The following SIGLEC8 variants were observed in gnomAD, a reference collection of about 807,000 sequenced individuals.
The protein encoded by SIGLEC8 is sialic acid binding Ig like lectin 8, also known as sialic acid-binding Ig-like lectin 8.
A neutral mutation model predicts 42.1 loss-of-function variants in SIGLEC8; 32 were observed. The observed-to-expected ratio is 0.76, with a 90% CI of 0.57 to 1.02. The LOEUF is 1.02. Among genes scored for constraint, SIGLEC8 ranks in the 50% least tolerant of loss-of-function variants. The pLI is 0.00. For missense variants in SIGLEC8, 611 were observed against 610.2 expected (o/e 1.00, Z -0.01); for synonymous variants, 262 against 260.3 (o/e 1.01, Z -0.06).
At position 51,454,185 on chromosome 19, in the gene SIGLEC8, G is replaced by A; in HGVS notation, c.1245+34C>T. The A allele has an allele frequency of 6.2e-7, 1 of 1,613,510 alleles. No homozygotes were observed. Among genetic ancestry groups the A allele is most frequent in the East Asian group, 2.2e-5 (1 of 44,846 alleles). ...CCATCCTGTCAGAGGTGTCCAGGCT[G>A]GATGCTCGGTGTGGAGAAGCCCACA... On this transcript the variant is annotated intron_variant, in intron 6 of 6. Transcript: ENST00000321424. This position sits in a 1 kb window ranked among gnomAD's most constrained non-coding sequence, Gnocchi z 4.7.
At position 51,454,296 on chromosome 19, in the gene SIGLEC8, T is replaced by C; in HGVS notation, c.1168A>G (p.Lys390Glu). 1 of 1,613,772 alleles carries C rather than the reference T, an allele frequency of 6.2e-7. No individual in the cohort carries two copies. Among genetic ancestry groups the C allele is most frequent in the South Asian group, 1.1e-5 (1 of 91,078 alleles). The change falls in exon 6 of 7, where the codon AAA (lysine) becomes GAA (glutamate). Residue 390 changes from lysine (K) to glutamate (E), a missense_variant. Coordinates refer to ENST00000321424, the MANE Select transcript of SIGLEC8 (RefSeq NM_014442.3). This position sits in a 1 kb window ranked among gnomAD's most constrained non-coding sequence, Gnocchi z 4.7. ...IFIIVRSCRK[K>E]SARPAAGVGD... ...ACGCCCGCTGCTGGCCTTGCCGATT[T>C]CTTCCTGCAGGACCTCACTCTGAGT...
Position 51,455,643 on chromosome 19 carries a change from C to T in SIGLEC8, c.826G>A (p.Gly276Ser), listed in dbSNP as rs201924488. The change falls in exon 4 of 7, where the codon GGC becomes AGC. Residue 276 changes from glycine to serine, a missense_variant. Coordinates refer to ENST00000321424, the MANE Select transcript of SIGLEC8 (RefSeq NM_014442.3). ...GCACAGACCAGGCGCAGAGACTGGC[C>T]CTCAAGGACTGAAAGAGATGAGCCA... ...GNGSSLSVLE[G>S]QSLRLVCAVN... 3 of 1,613,760 alleles carry T rather than the reference C, an allele frequency of 1.9e-6. No homozygotes were observed. Among genetic ancestry groups the T allele is most frequent in the African/African-American group, 1.3e-5 (1 of 75,020 alleles).
rs767423519 is a variant in SIGLEC8 at position 51,454,735 on chromosome 19, C to T, written c.1097G>A (p.Gly366Glu). The change falls in exon 5 of 7, where the codon GGA becomes GAA. Residue 366 changes from glycine to glutamate, a missense_variant. Coordinates refer to ENST00000321424, the MANE Select transcript of SIGLEC8 (RefSeq NM_014442.3). The surrounding 1 kb of genome is among the most constrained non-coding windows in gnomAD (Gnocchi z 4.7). ...GAAGGCCAGGGCTGTGGCTCCAGCT[C>T]CCCCGACTGCTGCCAGTGTCACTTG... ...VSQVTLAAVG[G>E]AGATALAFLS... 2 of 1,613,552 alleles carry T rather than the reference C, an allele frequency of 1.2e-6. No homozygotes were observed. Among genetic ancestry groups the T allele is most frequent in the African/African-American group, 1.3e-5 (1 of 74,902 alleles).
chr19:51,457,161 C>T, intron 3 of SIGLEC8, 23 bp downstream of exon 3: 1 of 1,609,694 alleles, frequency 6.2e-7, no homozygotes, highest in Non-Finnish European at 8.5e-7. Flanking sequence ...TCCCCCAACC[C>T]CAGGGAGGGG....
rs1260599726 is a variant in SIGLEC8, at chr19:51,455,485, G to A, written c.984C>T (p.Cys328=). ...GGGAGCCCTGAGCGTTCTGAGCTCGGCAGGTGAATTCCCCTTCATCCCTCA... is the reference window on the plus strand; with the variant it reads ...GGGAGCCCTGAGCGTTCTGAGCTCGACAGGTGAATTCCCCTTCATCCCTCA... ...VHVRDEGEFT[C]RAQNAQGSQH... The change falls in exon 4 of 7, where the codon TGC becomes TGT. Residue 328 remains cysteine, a synonymous_variant. Coordinates refer to ENST00000321424, the MANE Select transcript of SIGLEC8 (RefSeq NM_014442.3). 1 of 1,614,168 alleles carries A rather than the reference G, an allele frequency of 6.2e-7. No homozygotes were observed. The highest frequency in any genetic ancestry group is 2.2e-5 in the East Asian group (1 of 44,882).
chr19:51,453,360 C>T (rs995948921), intron 6 of SIGLEC8: 2 of 984,550 alleles, frequency 2.0e-6, no homozygotes, highest in African/African-American at 3.5e-5. Context: ...AAAGTGGCAG[C>T]TCAGTCTTTA....
At chr19:51,452,728 A>G (rs1340094003) in intron 6 of SIGLEC8, 95 bp from the exon 7 acceptor site, 2 of 1,178,386 alleles carry the variant, frequency 1.7e-6, no homozygotes, top group African/African-American at 1.5e-5. Flanking sequence ...TCCGTCCTCC[A>G]TTCATCCCAC....
intron 6 of SIGLEC8, among the ~76,000 whole-genome samples, chr19:51,452,843 A>C (rs1288268454): frequency 6.6e-6 from 1 of 152,222 alleles, no homozygotes; most frequent in Admixed American, 6.5e-5. Context: ...CAACAACTCC[A>C]TAGTGAGATA....
At position 51,455,823 on chromosome 19, in the gene SIGLEC8, C is replaced by A. The variant is rs529469089; in HGVS notation, c.782-136G>T. 64 of 757,162 alleles carry A rather than the reference C, an allele frequency of 8.5e-5. 1 individual carries two copies. The Middle Eastern group carries it at 1.0e-3, about 12-fold the overall frequency. The allele number at this position is 757,162 out of a possible 1,614,324, so 46.9% of individuals were successfully genotyped here. A position where few individuals can be genotyped will look rare whatever the true frequency, so the allele number is the denominator to read the frequency against. ...CACAATAGCAAAGACTTGGAACCAG[C>A]CCAAATGTCCAACAATGATAGACTG... is the stretch of plus-strand genomic sequence containing the variant. On this transcript the variant is annotated intron_variant, in intron 3 of 6. Transcript: ENST00000321424.
intron 3 of SIGLEC8, among the ~76,000 whole-genome samples, chr19:51,456,975 G>T (rs1009269864): frequency 6.6e-6 from 1 of 152,196 alleles, no homozygotes; most frequent in Non-Finnish European, 1.5e-5. Flanking sequence ...CAAGGAAGGG[G>T]TGTGTGGAGG....
chr19:51,454,816 T>C lies in SIGLEC8; in HGVS notation c.1052-36A>G. On this transcript the variant is annotated intron_variant, in intron 4 of 6. Coordinates refer to ENST00000321424, the MANE Select transcript of SIGLEC8 (RefSeq NM_014442.3). This position sits in a 1 kb window ranked among gnomAD's most constrained non-coding sequence, Gnocchi z 4.7. ...ATTGGAGTTGCTTTGGGGATTTATA[T>C]CACGGAGAAGTGGGTCTCTTCCCCT... The C allele has an allele frequency of 6.6e-7, 1 of 1,524,350 alleles. No individual in the cohort carries two copies. 94.4% of individuals were successfully genotyped at this position (1,524,350 alleles called of 1,614,324 possible). A position where few individuals can be genotyped will look rare whatever the true frequency, so the allele number is the denominator to read the frequency against.
rs1387202960 is a variant in SIGLEC8 at position 51,457,606 on chromosome 19, C to T, written c.588G>A (p.Val196=). ...PPMISWIGAS[V]SSPGPTTARS... ...GGGCAGTAGTGGGGCCCGGGGAGGA[C>T]ACGGAGGCCCCAATCCAGGAGATCA... Residue 196 remains valine, a synonymous_variant, in exon 2 of 7, where the codon GTG becomes GTA. Coordinates refer to ENST00000321424, the MANE Select transcript of SIGLEC8 (RefSeq NM_014442.3). 2 of 1,612,640 alleles carry T rather than the reference C, an allele frequency of 1.2e-6. No individual in the cohort carries two copies. Among genetic ancestry groups the T allele is most frequent in the African/African-American group, 2.7e-5 (2 of 74,884 alleles).
At position 51,454,594 on chromosome 19, in the gene SIGLEC8, T is replaced by A; in HGVS notation, c.1148+90A>T. ...ATTCTTGCCCCAAGCCCTGGACCCATCCAGGTCCTTCCAGCTCTGGCTTCA... is the reference window on the plus strand; with the variant it reads ...ATTCTTGCCCCAAGCCCTGGACCCAACCAGGTCCTTCCAGCTCTGGCTTCA... On this transcript the variant is annotated intron_variant, in intron 5 of 6. Transcript: ENST00000321424. This position sits in a 1 kb window ranked among gnomAD's most constrained non-coding sequence, Gnocchi z 4.7. 3 of 1,207,072 alleles carry A rather than the reference T, an allele frequency of 2.5e-6. No homozygotes were observed. The highest frequency in any genetic ancestry group is 3.7e-6 in the Non-Finnish European group (3 of 816,436). The allele number at this position is 1,207,072 out of a possible 1,614,324, so 74.8% of individuals were successfully genotyped here.
At position 51,455,623 on chromosome 19, in the gene SIGLEC8, G is replaced by A. The variant is rs2122146773; in HGVS notation, c.846C>T (p.Val282=). The A allele has an allele frequency of 1.2e-6, 2 of 1,614,132 alleles. No homozygotes were observed. ...SVLEGQSLRL[V]CAVNSNPPAR... is the part of the protein sequence containing the mutation. ...CAGGGGGATTGCTGTTGACAGCACAGACCAGGCGCAGAGACTGGCCCTCAA... is the reference window on the plus strand; with the variant it reads ...CAGGGGGATTGCTGTTGACAGCACAAACCAGGCGCAGAGACTGGCCCTCAA... The change falls in exon 4 of 7, where the codon GTC becomes GTT. Residue 282 remains valine (V), a synonymous_variant. Coordinates refer to ENST00000321424, the MANE Select transcript of SIGLEC8 (RefSeq NM_014442.3).
rs1428087352 is a variant in SIGLEC8 at position 51,452,119 on chromosome 19, G to C, written c.*260C>G. 1 of 356,366 alleles carries C rather than the reference G, an allele frequency of 2.8e-6. No individual in the cohort carries two copies. The highest frequency in any genetic ancestry group is 5.0e-6 in the Non-Finnish European group (1 of 198,734). The allele number at this position is 356,366 out of a possible 1,614,324, so 22.1% of individuals were successfully genotyped here. ...ATTTGAGAGAACATGGATGAACCTA[G>C]GGGATATTTTTTTGTGTAAAATGAG... On this transcript the variant is annotated 3_prime_UTR_variant, in exon 7 of 7. Transcript: ENST00000321424.
intron 3 of SIGLEC8, 137 bp from the exon 4 acceptor site, chr19:51,455,824 C>T: frequency 1.3e-6 from 1 of 745,922 alleles, no homozygotes; most frequent in Non-Finnish European, 2.1e-6. Flanking sequence ...TGGAACCAGC[C>T]CAAATGTCCA....
Position 51,458,216 on chromosome 19 carries a change from C to A in SIGLEC8, c.172G>T (p.Asp58Tyr). 6.2e-7 allele frequency: 1 copy of A among 1,614,146 alleles called. No individual in the cohort carries two copies. Among genetic ancestry groups the A allele is most frequent in the Admixed American group, 1.7e-5 (1 of 60,028 alleles). ...SFSYPQDGWTDSDPVHGYWFR... is the reference protein window; with the variant it reads ...SFSYPQDGWTYSDPVHGYWFR... ...CAGTAGCCATGAACTGGGTCAGAGTCAGTCCAGCCATCCTGGGGGTAGGAG... is the reference window on the plus strand; with the variant it reads ...CAGTAGCCATGAACTGGGTCAGAGTAAGTCCAGCCATCCTGGGGGTAGGAG... The change falls in exon 1 of 7, where the codon GAC becomes TAC. Residue 58 changes from aspartate to tyrosine, a missense_variant. Coordinates refer to ENST00000321424, the MANE Select transcript of SIGLEC8 (RefSeq NM_014442.3).
chr19:51,458,412 C>G lies in SIGLEC8; in HGVS notation c.-25G>C. ...TGTCTGGGTTTGAAGGCGCCAGGGC[C>G]GCCAGGGAACGTCTGTTCCTCAGGG... On this transcript the variant is annotated 5_prime_UTR_variant, in exon 1 of 7. Coordinates refer to ENST00000321424, the MANE Select transcript of SIGLEC8 (RefSeq NM_014442.3). The G allele has an allele frequency of 1.3e-6, 2 of 1,599,904 alleles. No individual in the cohort carries two copies. The highest frequency in any genetic ancestry group is 1.7e-6 in the Non-Finnish European group (2 of 1,172,588).
chr19:51,457,426 C>T, intron 2 of SIGLEC8, 35 bp downstream of exon 2: 1 of 1,611,936 alleles, frequency 6.2e-7, no homozygotes, highest in South Asian at 1.1e-5. Flanking sequence ...CCTCCCAACC[C>T]ATGAGGGACC....
Sources: allele counts gnomAD v4.1 joint callset (sites outside exome capture counted in the v4.1 genomes callset), GRCh38; gene constraint gnomAD v4.1.1; non-coding constraint Gnocchi (gnomAD v3.1); transcripts MANE v1.5; gene names NCBI Gene and HGNC (gene_info 2026-07-23, HGNC 2026-07-21).